The following BTBD2 variants were observed in gnomAD, a reference collection of about 807,000 sequenced individuals.
The protein encoded by BTBD2 is BTB/POZ domain-containing protein 2.
Under a neutral mutation model 44.0 loss-of-function variants are expected in BTBD2, and 15 were observed. That is an observed-to-expected ratio of 0.34 (90% CI 0.23 to 0.53). The LOEUF (loss-of-function observed/expected upper bound fraction) is 0.53, where lower values mean the gene tolerates loss of function less well. Among genes scored for constraint, BTBD2 ranks in the 20% least tolerant of loss-of-function variants. The probability of loss-of-function intolerance (pLI) is 0.95; values close to 1 mark genes in which losing one functional copy is unlikely to be tolerated. For missense variants in BTBD2, 657 were observed against 746.4 expected, an observed-to-expected ratio of 0.88 and a Z score of 1.39; for synonymous variants, 443 against 335.9, an observed-to-expected ratio of 1.32 and a Z score of -3.49.
intron 4 of BTBD2, 110 bp downstream of exon 4, chr19:1,990,607 C>T: frequency 2.9e-6 from 3 of 1,028,916 alleles, no homozygotes; most frequent in Non-Finnish European, 2.8e-6. Flanking sequence ...GTGGTGAGGC[C>T]CCAGCTCACC....
chr19:2,013,745 G>C (rs2145657581), intron 1 of BTBD2: 1 of 921,652 alleles, frequency 1.1e-6, no homozygotes, highest in Non-Finnish European at 1.3e-6. Context: ...TGGTTTGAAG[G>C]TCTCTGATCC....
At chr19:2,014,965 G>A (rs947280699) in intron 1 of BTBD2, among the ~76,000 whole-genome samples, 2 of 151,376 alleles carry the variant, frequency 1.3e-5, no homozygotes, top group African/African-American at 2.4e-5. Context: ...GGGACAGAGG[G>A]GTGCAGAGCC....
At position 1,987,146 on chromosome 19, in the gene BTBD2, A is replaced by G. The variant is rs566370769; in HGVS notation, c.1269+20T>C. ...ACATGGGCCTGAGTGGGGCCTGGGGATGAGGCTTGGGGCTGGTACCTGGAT... is the reference window on the plus strand; with the variant it reads ...ACATGGGCCTGAGTGGGGCCTGGGGGTGAGGCTTGGGGCTGGTACCTGGAT... On this transcript the variant is annotated intron_variant, in intron 7 of 8. Transcript: ENST00000255608. The G allele has an allele frequency of 6.2e-7, 1 of 1,611,894 alleles. No individual in the cohort carries two copies. The highest frequency in any genetic ancestry group is 1.7e-5 in the Admixed American group (1 of 59,962).
chr19:1,998,565 C>T (rs2016282219), intron 1 of BTBD2, among the ~76,000 whole-genome samples: 1 of 152,214 alleles, frequency 6.6e-6, no homozygotes, highest in African/African-American at 2.4e-5. Context: ...GATATCGCCA[C>T]AGGCAGGAGG....
At chr19:1,999,982 AAAAG>A (rs909134449) in intron 1 of BTBD2, among the ~76,000 whole-genome samples, 2 of 151,840 alleles carry the variant, frequency 1.3e-5, no homozygotes, top group African/African-American at 4.8e-5. Context: ...AAAAAAAAAA[AAAAG>A]AAAAAGAAAA....
chr19:1,999,893 C>T (rs112958678), intron 1 of BTBD2, among the ~76,000 whole-genome samples: 1,787 of 147,638 alleles, frequency 0.012, 23 homozygotes, highest in Non-Finnish European at 0.017. Flanking sequence ...ACCCGGGAGG[C>T]GGAGGTTTCA....
At chr19:1,995,955 T>C (rs1431243249) in intron 2 of BTBD2, among the ~76,000 whole-genome samples, 1 of 152,096 alleles carries the variant, frequency 6.6e-6, no homozygotes, top group Admixed American at 6.6e-5. Flanking sequence ...GTGCCCAGCC[T>C]GGACTTTGAT....
chr19:2,004,287 AC>A (rs2016366836), intron 1 of BTBD2, among the ~76,000 whole-genome samples: 1 of 132,866 alleles, frequency 7.5e-6, no homozygotes, highest in African/African-American at 2.9e-5. Context: ...GGCAAAACAA[AC>A]TTTTTTTTTT....
rs1350590947 is a variant in BTBD2 at position 1,990,733 on chromosome 19, G to A, written c.774C>T (p.Phe258=). ...GGCCCTTACCCAGGTCAATGTCGGT[G>A]AAGCCCTCCGCGGTGATGGCGTCTG... The part of the protein sequence containing the change: ...NTADAITAEG[F]TDIDLDTLVA... The change falls in exon 4 of 9, where the codon TTC becomes TTT. Residue 258 remains phenylalanine, a synonymous_variant. Transcript: ENST00000255608. 1 of 1,602,376 alleles carries A rather than the reference G, an allele frequency of 6.2e-7. No individual in the cohort carries two copies. The highest frequency in any genetic ancestry group is 1.1e-5 in the South Asian group (1 of 88,902).
chr19:1,985,495 T>C lies in BTBD2; in HGVS notation c.*993A>G, dbSNP rs2016064331. On this transcript the variant is annotated 3_prime_UTR_variant, in exon 9 of 9. Coordinates refer to ENST00000255608, the MANE Select transcript of BTBD2 (RefSeq NM_017797.4). ...TTAAAAAAATCATCTGGGGGCATGG[T>C]CTGAGGAGGACACCCCTCCCATGGC... The C allele has an allele frequency of 6.6e-6, 1 of 152,372 alleles. No individual in the cohort carries two copies. Among genetic ancestry groups the C allele is most frequent in the Non-Finnish European group, 1.5e-5 (1 of 68,084 alleles). The allele number at this position is 152,372 out of a possible 1,614,324, so 9.4% of individuals were successfully genotyped here. A position where few individuals can be genotyped will look rare whatever the true frequency, so the allele number is the denominator to read the frequency against.
At chr19:1,992,082 CA>C (rs775446832) in intron 3 of BTBD2, 3 of 146,322 alleles carry the variant, frequency 2.1e-5, no homozygotes, top group South Asian at 2.3e-4. Context: ...AACCCCGTCT[CA>C]AAAAAAAATT....
At position 2,012,802 on chromosome 19, in the gene BTBD2, C is replaced by T. The variant is rs537188944; in HGVS notation, c.407+2495G>A. 1.6e-3 allele frequency among the ~76,000 whole-genome samples: 241 copies of T among 152,304 alleles called. 2 individuals are homozygous for T. The highest frequency in any genetic ancestry group is 5.5e-3 in the African/African-American group (228 of 41,566). On this transcript the variant is annotated intron_variant, in intron 1 of 8. Transcript: ENST00000255608. ...CTTCCCCACTTTGCAACCGAGCCAG[C>T]GGTCCCTCAAGTGCAATCGCATACA... is the stretch of plus-strand genomic sequence containing the variant.
At position 1,993,146 on chromosome 19, in the gene BTBD2, G is replaced by A. The variant is rs144549773; in HGVS notation, c.558C>T (p.Gly186=). Reference sequence around the variant, plus strand: ...ATAGCGTGGTCATCACCGTCTCCGGGCCAATCTGCACCTCGTCCGAGTAGA... The same window carrying A: ...ATAGCGTGGTCATCACCGTCTCCGGACCAATCTGCACCTCGTCCGAGTAGA... ...KFLYSDEVQI[G]PETVMTTLYT... is the part of the protein sequence containing the mutation. Residue 186 remains glycine (G), a synonymous_variant, in exon 3 of 9, where the codon GGC becomes GGT. Transcript: ENST00000255608. 3.1e-6 allele frequency: 5 copies of A among 1,605,326 alleles called. No homozygotes were observed. The highest frequency in any genetic ancestry group is 4.2e-6 in the Non-Finnish European group (5 of 1,179,600).
Position 1,990,023 on chromosome 19 carries a change from G to A in BTBD2, c.969C>T (p.Thr323=). The change falls in exon 5 of 9, where the codon ACC becomes ACT. Residue 323 remains threonine, a synonymous_variant. Coordinates refer to ENST00000255608, the MANE Select transcript of BTBD2 (RefSeq NM_017797.4). Reference sequence around the variant, plus strand: ...TGTTACCTGCAGCGAACTCCTCGATGGTCATGAGCGGGAAGCGAATGAGGC... The same window carrying A: ...TGTTACCTGCAGCGAACTCCTCGATAGTCATGAGCGGGAAGCGAATGAGGC... The part of the protein sequence containing the change: ...ALGLIRFPLM[T]IEEFAAGPAQ... 2 of 1,613,386 alleles carry A rather than the reference G, an allele frequency of 1.2e-6. No individual in the cohort carries two copies. The highest frequency in any genetic ancestry group is 1.7e-6 in the Non-Finnish European group (2 of 1,180,026).
Position 1,986,140 on chromosome 19 carries a change from G to A in BTBD2, c.*348C>T. 3.0e-6 allele frequency: 1 copy of A among 332,128 alleles called. No homozygotes were observed. The highest frequency in any genetic ancestry group is 5.7e-6 in the Non-Finnish European group (1 of 176,326). The allele number at this position is 332,128 out of a possible 1,614,324, so 20.6% of individuals were successfully genotyped here. A position where few individuals can be genotyped will look rare whatever the true frequency, so the allele number is the denominator to read the frequency against. On this transcript the variant is annotated 3_prime_UTR_variant, in exon 9 of 9. Transcript: ENST00000255608. Reference sequence around the variant, plus strand: ...GCAATGTGCAGTGAAGAGACGCGAGGGACGCCCGCGGCGCACCGCCGGCAG... The same window carrying A: ...GCAATGTGCAGTGAAGAGACGCGAGAGACGCCCGCGGCGCACCGCCGGCAG...
intron 2 of BTBD2, among the ~76,000 whole-genome samples, chr19:1,996,696 C>T (rs1469032642): frequency 2.6e-5 from 4 of 151,772 alleles, no homozygotes; most frequent in Admixed American, 2.6e-4. Context: ...CCAGCCTGGC[C>T]AACATAGAGA....
Position 1,993,733 on chromosome 19 carries a change from C to T in BTBD2, c.528-557G>A, listed in dbSNP as rs527539869. Reference sequence around the variant, plus strand: ...AGCACAGGCTGGGCCTGGTGGTTCACGCCTGTAACCCCAGCACTTTGGGAG... The same window carrying T: ...AGCACAGGCTGGGCCTGGTGGTTCATGCCTGTAACCCCAGCACTTTGGGAG... On this transcript the variant is annotated intron_variant, in intron 2 of 8. Coordinates refer to ENST00000255608, the MANE Select transcript of BTBD2 (RefSeq NM_017797.4). 3.3e-5 allele frequency among the ~76,000 whole-genome samples: 5 copies of T among 152,200 alleles called. No individual in the cohort carries two copies. In the East Asian group the frequency reaches 7.7e-4, roughly 23 times the overall value.
intron 1 of BTBD2, among the ~76,000 whole-genome samples, chr19:2,001,443 G>A (rs761347971): frequency 3.3e-5 from 5 of 152,138 alleles, no homozygotes; most frequent in Non-Finnish European, 7.4e-5. Flanking sequence ...AGTGAGCTGA[G>A]ATCGTACCAC....
chr19:2,004,288 CTTTT>C (rs60580646), intron 1 of BTBD2, among the ~76,000 whole-genome samples: 4,614 of 133,468 alleles, frequency 0.035, 242 homozygotes, highest in African/African-American at 0.12. Context: ...GCAAAACAAA[CTTTT>C]TTTTTTTTTT....
Sources: gnomAD v4.1 joint callset for allele counts (sites outside exome capture counted in the v4.1 genomes callset) on GRCh38, gnomAD v4.1.1 for gene constraint, MANE v1.5 for transcripts, NCBI Gene and HGNC (gene_info 2026-07-23, HGNC 2026-07-21) for gene names.